Variants in RMP64 observed in about 807,000 individuals in gnomAD.
RMP64 encodes ribonuclease MRP subunit p64, also known as nucleolus and neural progenitor protein.
At chr3:113,006,005 C>T in the RMP64 span, 2 of 1,598,386 alleles carry the variant, frequency 1.3e-6, no homozygotes, top group South Asian at 2.2e-5. Context: ...CTTTGGCAAA[C>T]TTTAAAAGAC....
At chr3:113,017,585 C>T in the RMP64 span, 24 of 1,613,952 alleles carry the variant, frequency 1.5e-5, no homozygotes, top group Non-Finnish European at 1.9e-5. Context: ...TCTTTAATTA[C>T]AGCTGCAATG....
At chr3:113,008,862 A>G in the RMP64 span, 1 of 159,926 alleles carries the variant, frequency 6.3e-6, no homozygotes, top group South Asian at 1.7e-4. Context: ...CATATCTCAC[A>G]TACACAATAA....
the RMP64 span, chr3:113,009,396 T>C: frequency 1.3e-5 from 2 of 152,240 alleles, no homozygotes; most frequent in Non-Finnish European, 2.9e-5. Flanking sequence ...TAGAAGTAGT[T>C]TGCTTTAAAG....
the RMP64 span, among the ~76,000 whole-genome samples, chr3:113,018,482 G>A: frequency 6.6e-6 from 1 of 152,200 alleles, no homozygotes; most frequent in East Asian, 1.9e-4. Flanking sequence ...GGATATATGG[G>A]AAAGGGGATG....
the RMP64 span, chr3:113,017,457 G>A: frequency 6.2e-7 from 1 of 1,613,458 alleles, no homozygotes; most frequent in East Asian, 2.2e-5. Flanking sequence ...CCTGTTTGAG[G>A]GCCAAATGGG....
the RMP64 span, chr3:113,005,026 CA>C: frequency 6.2e-6 from 1 of 160,908 alleles, no homozygotes; most frequent in Non-Finnish European, 1.4e-5. Flanking sequence ...CCTTGTTGAT[CA>C]ATTCCAACAT....
chr3:113,014,214 A>G, the RMP64 span, among the ~76,000 whole-genome samples: 1 of 152,206 alleles, frequency 6.6e-6, no homozygotes, highest in Non-Finnish European at 1.5e-5. Context: ...TCTAGTTACA[A>G]ATTTGGAATT....
chr3:113,007,947 C>T, the RMP64 span, among the ~76,000 whole-genome samples: 1 of 152,196 alleles, frequency 6.6e-6, no homozygotes, highest in Non-Finnish European at 1.5e-5. Context: ...TGATGAAGAG[C>T]ATAACGGGGA....
chr3:113,008,270 A>T, the RMP64 span: 2 of 1,614,174 alleles, frequency 1.2e-6, no homozygotes, highest in Non-Finnish European at 1.7e-6. Flanking sequence ...CCTGCACCAT[A>T]CAACTGCCAT....
chr3:113,011,180 A>C, the RMP64 span: 1 of 1,613,572 alleles, frequency 6.2e-7, no homozygotes, highest in Non-Finnish European at 8.5e-7. Context: ...TCATTTATTA[A>C]AAACAGTTTA....
At chr3:113,019,449 A>T in the RMP64 span, 2 of 1,011,724 alleles carry the variant, frequency 2.0e-6, no homozygotes, top group Admixed American at 4.3e-5. Context: ...CCGGGCCGGG[A>T]AGTCCCGGTA....
chr3:113,015,645 A>G, the RMP64 span, among the ~76,000 whole-genome samples: 2 of 151,064 alleles, frequency 1.3e-5, no homozygotes, highest in African/African-American at 2.4e-5. Flanking sequence ...TCTAGTACTT[A>G]CATGAAAGTT....
chr3:113,010,368 G>A, the RMP64 span: 45 of 393,860 alleles, frequency 1.1e-4, no homozygotes, highest in East Asian at 2.0e-3. Flanking sequence ...TTAAGCTGCA[G>A]TACAATCCAT....
At chr3:113,004,045 G>A in the RMP64 span, 1 of 152,110 alleles carries the variant, frequency 6.6e-6, no homozygotes, top group Non-Finnish European at 1.5e-5. Flanking sequence ...TTGAACACAA[G>A]GACACTTAGA....
chr3:113,008,271 C>A, the RMP64 span: 2 of 1,614,166 alleles, frequency 1.2e-6, no homozygotes, highest in Non-Finnish European at 1.7e-6. Flanking sequence ...CTGCACCATA[C>A]AACTGCCATC....
At chr3:113,011,341 T>C in the RMP64 span, 29 of 1,611,866 alleles carry the variant, frequency 1.8e-5, no homozygotes, top group Non-Finnish European at 2.5e-5. Flanking sequence ...AGCGACCTCT[T>C]GAAGCAATCC....
the RMP64 span, among the ~76,000 whole-genome samples, chr3:113,017,967 C>T: frequency 6.6e-6 from 1 of 152,202 alleles, no homozygotes; most frequent in Non-Finnish European, 1.5e-5. Flanking sequence ...GCACATGTCA[C>T]AACATGTGTA....
At chr3:113,005,725 C>G in the RMP64 span, 3 of 1,614,056 alleles carry the variant, frequency 1.9e-6, no homozygotes, top group Non-Finnish European at 2.5e-6. Context: ...TATTCAAGAG[C>G]TGCTTACTGT....
the RMP64 span, chr3:113,008,072 G>A: frequency 9.2e-7 from 1 of 1,089,754 alleles, no homozygotes; most frequent in Non-Finnish European, 1.4e-6. Context: ...CCCCGCTGCG[G>A]CTGCTGGACA....
Sources: allele counts gnomAD v4.1 joint callset (sites outside exome capture counted in the v4.1 genomes callset), GRCh38; gene constraint gnomAD v4.1.1; transcripts MANE v1.5; gene names NCBI Gene and HGNC (gene_info 2026-07-23, HGNC 2026-07-21).